Variants in PCDH15 observed in about 807,000 individuals in gnomAD.
PCDH15 encodes the protein protocadherin-15.
In PCDH15, 129 loss-of-function variants were observed where a neutral mutation model predicts 178.5. The ratio of observed to expected loss-of-function variants is 0.72; its 90% CI spans 0.63 to 0.84. PCDH15 has a LOEUF of 0.84. Among genes scored for constraint, PCDH15 ranks in the 40% least tolerant of loss-of-function variants. The pLI, the probability that PCDH15 is intolerant of heterozygous loss-of-function variation, is 0.00. For synonymous variants in PCDH15, 800 were observed against 732.0 expected (o/e 1.09, Z -1.50); for missense variants, 2,230 against 2,099.9 (o/e 1.06, Z -1.21).
chr10:54,933,359 T>C (rs994947139), intron 2 of PCDH15, among the ~76,000 whole-genome samples: 6 of 152,168 alleles, frequency 3.9e-5, no homozygotes, highest in Non-Finnish European at 8.8e-5. Context: ...ATGTGTTTTA[T>C]ATTGTTTCTT....
chr10:54,842,119 G>A lies in PCDH15; in HGVS notation c.-29+55331C>T, dbSNP rs150582149. On this transcript the variant is annotated intron_variant, in intron 3 of 5. Transcript: ENST00000458638. ...TTATGTAACTACAAAATTCATAAAC[G>A]TTCATGATAATTTCAAATCTGTCAA... 1.1e-4 allele frequency among the ~76,000 whole-genome samples: 17 copies of A among 151,606 alleles called. No individual in the cohort carries two copies. In the East Asian group the frequency reaches 2.9e-3, roughly 26 times the overall value.
At chr10:55,545,799 T>C (rs1412692786) in intron 2 of PCDH15, among the ~76,000 whole-genome samples, 1 of 152,172 alleles carries the variant, frequency 6.6e-6, no homozygotes, top group Admixed American at 6.6e-5. Flanking sequence ...TTGAGAATCT[T>C]TTAAAAATAT....
chr10:54,727,588 C>A (rs1942755631), intron 1 of PCDH15, among the ~76,000 whole-genome samples: 1 of 151,220 alleles, frequency 6.6e-6, no homozygotes, highest in Non-Finnish European at 1.5e-5. Context: ...AAGAAATAAC[C>A]AAAATCAGAC....
chr10:54,177,539 A>G (rs1004445689), intron 13 of PCDH15, among the ~76,000 whole-genome samples: 4 of 152,244 alleles, frequency 2.6e-5, no homozygotes, highest in Non-Finnish European at 5.9e-5. Context: ...AGTATATGGG[A>G]AATCACTGTA....
At chr10:54,399,604 CTG>C (rs776118756) in intron 3 of PCDH15, among the ~76,000 whole-genome samples, 9 of 152,098 alleles carry the variant, frequency 5.9e-5, no homozygotes, top group Non-Finnish European at 1.3e-4. Context: ...TAGGAAATAA[CTG>C]TATTCCAACT....
At chr10:55,429,001 A>G (rs1838821854) in intron 2 of PCDH15, among the ~76,000 whole-genome samples, 1 of 151,874 alleles carries the variant, frequency 6.6e-6, no homozygotes, top group African/African-American at 2.4e-5. Flanking sequence ...AGCATTCTTT[A>G]TTTTCTCCTC....
chr10:54,446,398 T>G (rs2136225087), intron 3 of PCDH15, among the ~76,000 whole-genome samples: 1 of 151,736 alleles, frequency 6.6e-6, no homozygotes, highest in South Asian at 2.1e-4. Context: ...TTCATATAAT[T>G]TTTTTCCTTT....
intron 2 of PCDH15, among the ~76,000 whole-genome samples, chr10:55,364,861 C>A (rs1236783315): frequency 2.6e-5 from 4 of 151,836 alleles, no homozygotes; most frequent in African/African-American, 9.7e-5. Flanking sequence ...TGCTATTGAG[C>A]CCTGTATTTT....
intron 1 of PCDH15, among the ~76,000 whole-genome samples, chr10:55,173,911 T>G (rs1261316940): frequency 1.3e-5 from 2 of 152,162 alleles, no homozygotes; most frequent in African/African-American, 4.8e-5. Context: ...AAATTGATTT[T>G]GATGTAAGGT....
chr10:54,953,701 C>T (rs1838404192), intron 2 of PCDH15, among the ~76,000 whole-genome samples: 1 of 151,190 alleles, frequency 6.6e-6, no homozygotes, highest in South Asian at 2.1e-4. Flanking sequence ...GTCAGATTAT[C>T]ATATTCTATG....
At chr10:55,208,944 T>C (rs888017779) in intron 1 of PCDH15, among the ~76,000 whole-genome samples, 2 of 152,072 alleles carry the variant, frequency 1.3e-5, no homozygotes, top group African/African-American at 4.8e-5. Context: ...TGAACTAAAT[T>C]AAAATTACAA....
intron 2 of PCDH15, among the ~76,000 whole-genome samples, chr10:55,535,724 A>T (rs904316955): frequency 6.6e-6 from 1 of 152,114 alleles, no homozygotes; most frequent in Non-Finnish European, 1.5e-5. Context: ...AAATATGGCC[A>T]GAGTGACAAT....
chr10:53,998,711 AGAT>A (rs2091973535), intron 20 of PCDH15, among the ~76,000 whole-genome samples: 2 of 152,166 alleles, frequency 1.3e-5, no homozygotes, highest in African/African-American at 4.8e-5. Context: ...TTTATTTAGA[AGAT>A]AAGTAGAAAG....
intron 2 of PCDH15, among the ~76,000 whole-genome samples, chr10:55,450,778 C>G (rs1190156647): frequency 1.3e-5 from 2 of 151,762 alleles, no homozygotes; most frequent in Non-Finnish European, 2.9e-5. Context: ...GAGCTCACAT[C>G]AATGCTATTG....
chr10:54,077,394 G>A (rs983291786), intron 17 of PCDH15, among the ~76,000 whole-genome samples: 1 of 152,132 alleles, frequency 6.6e-6, no homozygotes, highest in African/African-American at 2.4e-5. Context: ...AGTATTATTA[G>A]TAGATTGTGA....
chr10:55,516,350 G>A (rs1280743092), intron 2 of PCDH15, among the ~76,000 whole-genome samples: 4 of 152,144 alleles, frequency 2.6e-5, no homozygotes, highest in East Asian at 3.9e-4. Flanking sequence ...GGCCTCCCAA[G>A]CCACGTGTAA....
chr10:55,478,246 G>A (rs1840102386), intron 2 of PCDH15, among the ~76,000 whole-genome samples: 1 of 151,708 alleles, frequency 6.6e-6, no homozygotes, highest in South Asian at 2.1e-4. Context: ...CCACTGTTCT[G>A]CAATGGATTG....
At chr10:53,991,033 T>C (rs1233563322) in intron 21 of PCDH15, among the ~76,000 whole-genome samples, 1 of 152,094 alleles carries the variant, frequency 6.6e-6, no homozygotes, top group African/African-American at 2.4e-5. Context: ...TCGCCAGGCC[T>C]CAGCCACCTC....
chr10:53,982,638 G>T (rs1182533491), intron 21 of PCDH15, among the ~76,000 whole-genome samples: 1 of 143,524 alleles, frequency 7.0e-6, no homozygotes, highest in Non-Finnish European at 1.5e-5. Context: ...CATGGACACA[G>T]GAAGGGGAAC....
Sources: gnomAD v4.1 joint callset for allele counts (sites outside exome capture counted in the v4.1 genomes callset) on GRCh38, gnomAD v4.1.1 for gene constraint, MANE v1.5 for transcripts, NCBI Gene and HGNC (gene_info 2026-07-23, HGNC 2026-07-21) for gene names.